The following NAV2 variants were observed in gnomAD, a reference collection of about 807,000 sequenced individuals.
NAV2 encodes helicase, APC down-regulated 1.
Under a neutral mutation model 223.2 loss-of-function variants are expected in NAV2, and 54 were observed. That is an observed-to-expected ratio of 0.24 (90% CI 0.19 to 0.30). The LOEUF is 0.30. Among genes scored for constraint, NAV2 ranks in the 10% least tolerant of loss-of-function variants. NAV2 has a pLI of 1.00. For missense variants in NAV2, 2,806 were observed against 3,147.5 expected, an observed-to-expected ratio of 0.89 and a Z score of 2.60; for synonymous variants, 1,279 against 1,239.3, an observed-to-expected ratio of 1.03 and a Z score of -0.67.
chr11:19,997,510 A>G (rs1183898749), intron 11 of NAV2, among the ~76,000 whole-genome samples: 1 of 152,140 alleles, frequency 6.6e-6, no homozygotes, highest in Non-Finnish European at 1.5e-5. Context: ...ATTTTCATTC[A>G]CTGAGCACCT....
At chr11:19,521,721 T>C (rs1443811097) in intron 1 of NAV2, among the ~76,000 whole-genome samples, 1 of 152,158 alleles carries the variant, frequency 6.6e-6, no homozygotes, top group African/African-American at 2.4e-5. Context: ...ACCCTGCACA[T>C]AGGCCTTCTG....
intron 1 of NAV2, among the ~76,000 whole-genome samples, chr11:19,563,713 C>T (rs12099076): frequency 0.034 from 5,206 of 152,264 alleles, 287 homozygotes; most frequent in African/African-American, 0.11. Context: ...AGAACCGCCA[C>T]TACAATGGAA....
intron 10 of NAV2, among the ~76,000 whole-genome samples, chr11:19,961,113 AT>A: frequency 6.6e-6 from 1 of 151,228 alleles, no homozygotes; most frequent in Non-Finnish European, 1.5e-5. Flanking sequence ...TTAATTTAAA[AT>A]TTTTTTCTCT....
At chr11:19,755,798 C>A (rs1309602384) in intron 1 of NAV2, among the ~76,000 whole-genome samples, 2 of 152,204 alleles carry the variant, frequency 1.3e-5, no homozygotes, top group African/African-American at 2.4e-5. Flanking sequence ...GCACCAGGTT[C>A]TAGAGGCCAA....
At chr11:20,114,474 T>G in intron 36 of NAV2, 118 bp from the exon 37 acceptor site, 2 of 852,572 alleles carry the variant, frequency 2.3e-6, no homozygotes, top group Non-Finnish European at 3.7e-6. Flanking sequence ...GAAGTGGAAT[T>G]ACTCCATCAG....
At chr11:20,084,110 G>C (rs111615453) in intron 26 of NAV2, among the ~76,000 whole-genome samples, 5 of 152,260 alleles carry the variant, frequency 3.3e-5, no homozygotes, top group African/African-American at 1.2e-4. Context: ...TTTTGGTTTT[G>C]TTTTTGAGAT....
chr11:19,732,084 A>G (rs2051828918), intron 1 of NAV2, among the ~76,000 whole-genome samples: 1 of 152,118 alleles, frequency 6.6e-6, no homozygotes, highest in African/African-American at 2.4e-5. Context: ...CCCCATCTCT[A>G]CTAAACAAAA....
chr11:19,573,039 T>C (rs2045468930), intron 1 of NAV2, among the ~76,000 whole-genome samples: 1 of 152,216 alleles, frequency 6.6e-6, no homozygotes, highest in Non-Finnish European at 1.5e-5. Flanking sequence ...GTTTAGGAAA[T>C]GCTTTGTCTT....
In NAV2 at chr11:20,100,792, A is replaced by G. The variant is rs1443937232; in HGVS notation, c.6182-145A>G. 4 of 643,334 alleles carry G rather than the reference A, an allele frequency of 6.2e-6. No individual in the cohort carries two copies. In the African/African-American group the frequency reaches 7.3e-5, roughly 12 times the overall value. The allele number at this position is 643,334 out of a possible 1,614,324, so 39.9% of individuals were successfully genotyped here. ...CAGCAGCACTTTGCTCTCAGCCTCC[A>G]GTGTTCCTGGGTGTGCAGGAGTCTC... is the stretch of plus-strand genomic sequence containing the variant. On this transcript the variant is annotated intron_variant, in intron 31 of 37. Coordinates refer to ENST00000349880, the MANE Select transcript of NAV2 (RefSeq NM_145117.5).
At chr11:19,483,666 G>A (rs1381643952) in intron 1 of NAV2, among the ~76,000 whole-genome samples, 6 of 152,150 alleles carry the variant, frequency 3.9e-5, no homozygotes, top group Non-Finnish European at 2.9e-5. Context: ...TAATGGCCAC[G>A]GTGCGTGATA....
chr11:19,634,136 G>T (rs1317832584), intron 1 of NAV2, among the ~76,000 whole-genome samples: 1 of 152,186 alleles, frequency 6.6e-6, no homozygotes, highest in Admixed American at 6.5e-5. Flanking sequence ...CGTGGAGCAG[G>T]TTTGCTGCAT....
intron 1 of NAV2, among the ~76,000 whole-genome samples, chr11:19,434,922 A>G (rs968435792): frequency 6.7e-6 from 1 of 150,282 alleles, no homozygotes; most frequent in East Asian, 1.9e-4. Flanking sequence ...ATATGTCTCA[A>G]CTTCTCACAC....
chr11:20,086,039 T>C (rs892121749), intron 26 of NAV2, among the ~76,000 whole-genome samples: 2 of 152,202 alleles, frequency 1.3e-5, no homozygotes, highest in African/African-American at 2.4e-5. Flanking sequence ...AGGTTCGATA[T>C]GTCTGAAAGA....
intron 10 of NAV2, among the ~76,000 whole-genome samples, chr11:19,971,623 G>A (rs925665872): frequency 6.6e-5 from 10 of 152,236 alleles, no homozygotes; most frequent in Non-Finnish European, 1.5e-4. Context: ...TGGAAATCTG[G>A]TACCTTAATT....
chr11:19,466,984 TACA>T (rs1256181566), intron 1 of NAV2, among the ~76,000 whole-genome samples: 237 of 125,190 alleles, frequency 1.9e-3, no homozygotes, highest in East Asian at 3.6e-3. Context: ...TCTCTCTCTC[TACA>T]CACACACACA....
chr11:19,693,685 T>C (rs1228386029), intron 1 of NAV2, among the ~76,000 whole-genome samples: 1 of 152,156 alleles, frequency 6.6e-6, no homozygotes, highest in African/African-American at 2.4e-5. Context: ...CAGATTCACA[T>C]GGTTTTCTGG....
chr11:19,454,335 C>T (rs1359365954), intron 1 of NAV2, among the ~76,000 whole-genome samples: 1 of 152,182 alleles, frequency 6.6e-6, no homozygotes, highest in Admixed American at 6.5e-5. Flanking sequence ...AAATAGCTGC[C>T]TCAATGCTGG....
chr11:19,447,398 T>C (rs1166262278), intron 1 of NAV2, among the ~76,000 whole-genome samples: 1 of 152,194 alleles, frequency 6.6e-6, no homozygotes, highest in Non-Finnish European at 1.5e-5. Flanking sequence ...GTTCAGAGCC[T>C]GGGCTCTGGG....
At chr11:19,898,680 A>C (rs775965392) in intron 6 of NAV2, among the ~76,000 whole-genome samples, 4 of 152,166 alleles carry the variant, frequency 2.6e-5, no homozygotes, top group Non-Finnish European at 5.9e-5. Flanking sequence ...TAACCATTTC[A>C]GTGTAATTGC....
Sources: allele counts gnomAD v4.1 joint callset (sites outside exome capture counted in the v4.1 genomes callset), GRCh38; gene constraint gnomAD v4.1.1; transcripts MANE v1.5; gene names NCBI Gene and HGNC (gene_info 2026-07-23, HGNC 2026-07-21).